NOTCH4: variants seen among roughly 807,000 people sequenced by gnomAD.
The protein encoded by NOTCH4 is notch receptor 4, also known as neurogenic locus notch homolog protein 4.
A neutral mutation model predicts 189.0 loss-of-function variants in NOTCH4; 138 were observed. That is an observed-to-expected ratio of 0.73 (90% CI 0.64 to 0.84). The LOEUF (loss-of-function observed/expected upper bound fraction) is 0.84, where lower values mean the gene tolerates loss of function less well. Ranked by LOEUF, NOTCH4 falls within the 40% of genes least tolerant of loss-of-function variation. NOTCH4 has a pLI of 0.00. For missense variants in NOTCH4, 2,286 were observed against 2,605.4 expected, an observed-to-expected ratio of 0.88 and a Z score of 2.67; for synonymous variants, 942 against 1,032.8, an observed-to-expected ratio of 0.91 and a Z score of 1.69.
At chr6:32,196,809 G>T in intron 28 of NOTCH4, 116 bp downstream of exon 28, 1 of 1,346,978 alleles carries the variant, frequency 7.4e-7, no homozygotes, top group Non-Finnish European at 1.0e-6. Flanking sequence ...CAGATTGACC[G>T]CCGTAACAGC....
chr6:32,210,383 G>A lies in NOTCH4; in HGVS notation c.2865+369C>T, dbSNP rs1360884930. Among the ~76,000 whole-genome samples, 1 of 152,174 alleles carries A rather than the reference G, an allele frequency of 6.6e-6. No individual in the cohort carries two copies. The highest frequency in any genetic ancestry group is 1.5e-5 in the Non-Finnish European group (1 of 68,016). ...AGAATGAGGCGGGCAGCCTCCGAAGGTTCAGCAGGGGAGAGACAGGTCAAC... is the reference window on the plus strand; with the variant it reads ...AGAATGAGGCGGGCAGCCTCCGAAGATTCAGCAGGGGAGAGACAGGTCAAC... On this transcript the variant is annotated intron_variant, in intron 18 of 29. Transcript: ENST00000375023. This position sits in a 1 kb window ranked among gnomAD's most constrained non-coding sequence, Gnocchi z 4.8.
chr6:32,208,669 GGTTGCA>G (rs1788841037), intron 18 of NOTCH4, among the ~76,000 whole-genome samples: 1 of 152,200 alleles, frequency 6.6e-6, no homozygotes, highest in Non-Finnish European at 1.5e-5. Flanking sequence ...GGGAGGCAGA[GGTTGCA>G]GTGAGCTGAG....
At position 32,217,652 on chromosome 6, in the gene NOTCH4, G is replaced by A. The variant is rs987868794; in HGVS notation, c.1624+343C>T. 2.6e-5 allele frequency among the ~76,000 whole-genome samples: 4 copies of A among 152,180 alleles called. No homozygotes were observed. The highest frequency in any genetic ancestry group is 4.8e-5 in the African/African-American group (2 of 41,432). ...AATAGCAGGGGACAGAGGAGTGTCC[G>A]GTGAGGCTGGAGAAGAAAGGCTTGG... On this transcript the variant is annotated intron_variant, in intron 9 of 29. Coordinates refer to ENST00000375023, the MANE Select transcript of NOTCH4 (RefSeq NM_004557.4). This position sits in a 1 kb window ranked among gnomAD's most constrained non-coding sequence, Gnocchi z 4.2.
At chr6:32,220,686 TA>T in intron 5 of NOTCH4, 45 bp from the exon 6 acceptor site, 3 of 1,612,344 alleles carry the variant, frequency 1.9e-6, no homozygotes, top group Non-Finnish European at 2.5e-6. Flanking sequence ...CTGGGAGCCC[TA>T]TGAGTAGGGG....
chr6:32,201,306 C>G lies in NOTCH4; in HGVS notation c.3950G>C (p.Arg1317Pro). The G allele has an allele frequency of 6.2e-7, 1 of 1,612,882 alleles. No homozygotes were observed. The highest frequency in any genetic ancestry group is 8.5e-7 in the Non-Finnish European group (1 of 1,179,924). Reference protein sequence around the residue: ...ALDQQLFALARVLSLTLRVGL... With the variant: ...ALDQQLFALAPVLSLTLRVGL... ...TACCCTCAGAGTCAGGGACAGCACC[C>G]GGGCCAGGGCAAACAGCTGCTGGTC... is the stretch of plus-strand genomic sequence containing the variant. Residue 1317 changes from arginine to proline, a missense_variant, in exon 22 of 30, where the codon CGG becomes CCG. This residue lies in a region of NOTCH4 where 1,903 missense variants were observed against 2,261.9 expected (regional missense o/e 0.84). Transcript: ENST00000375023. This position sits in a 1 kb window ranked among gnomAD's most constrained non-coding sequence, Gnocchi z 5.5.
intron 18 of NOTCH4, among the ~76,000 whole-genome samples, chr6:32,208,729 G>A (rs1788844467): frequency 6.6e-6 from 1 of 152,120 alleles, no homozygotes; most frequent in African/African-American, 2.4e-5. Flanking sequence ...GCAAGACTCT[G>A]TCTCAGAAAA....
chr6:32,199,085 A>G lies in NOTCH4; in HGVS notation c.4376T>C (p.Leu1459Pro). ...GACGAGAAGAGCCCCTAGGGCCAGGAGAATCACCCCGGCCACTGGGGAGCA... is the reference window on the plus strand; with the variant it reads ...GACGAGAAGAGCCCCTAGGGCCAGGGGAATCACCCCGGCCACTGGGGAGCA... ...VLCSPVAGVI[L>P]LALGALLVLQ... Residue 1459 changes from leucine to proline, a missense_variant, in exon 24 of 30, where the codon CTC becomes CCC. This residue lies in a region of NOTCH4 where 1,903 missense variants were observed against 2,261.9 expected (regional missense o/e 0.84). Coordinates refer to ENST00000375023, the MANE Select transcript of NOTCH4 (RefSeq NM_004557.4). The surrounding 1 kb of genome is among the most constrained non-coding windows in gnomAD (Gnocchi z 4.9). 1 of 1,612,600 alleles carries G rather than the reference A, an allele frequency of 6.2e-7. No individual in the cohort carries two copies. The highest frequency in any genetic ancestry group is 1.1e-5 in the South Asian group (1 of 91,074).
rs180689955 is a variant in NOTCH4 at position 32,218,020 on chromosome 6, G to A, written c.1599C>T (p.Asn533=). The A allele has an allele frequency of 3.5e-5, 57 of 1,613,408 alleles. No individual in the cohort carries two copies. The highest frequency in any genetic ancestry group is 1.6e-4 in the Middle Eastern group (1 of 6,082). Residue 533 remains asparagine (N), a synonymous_variant, in exon 9 of 30, where the codon AAC becomes AAT. Transcript: ENST00000375023. ...CAGGCAGGCAGATGCACTGGAAGCC[G>A]TTGAGCAGGTCATGGCAATCCGCGT... ...LNHADCHDLL[N]GFQCICLPGF...
rs1788546217 is a variant in NOTCH4 at position 32,204,353 on chromosome 6, C to T, written c.2902G>A (p.Glu968Lys). The T allele has an allele frequency of 6.2e-7, 1 of 1,612,966 alleles. No individual in the cohort carries two copies. Among genetic ancestry groups the T allele is most frequent in the Non-Finnish European group, 8.5e-7 (1 of 1,180,054 alleles). The stretch of plus-strand genomic sequence containing the variant: ...GGTTGGGACTGACAAGCATCGAGTT[C>T]CTTTGAGCAGTTCTGTCCATCGTAG... ...PGYDGQNCSK[E>K]LDACQSQPCH... Residue 968 changes from glutamate to lysine, a missense_variant, in exon 19 of 30, where the codon GAA becomes AAA. By Grantham distance (56) the Glu-to-Lys change is moderately conservative (BLOSUM62 1). Transcript: ENST00000375023.
At chr6:32,218,339 G>A (rs975954826) in intron 8 of NOTCH4, among the ~76,000 whole-genome samples, 5 of 152,186 alleles carry the variant, frequency 3.3e-5, no homozygotes, top group Admixed American at 1.3e-4. Flanking sequence ...GGGGACCTGC[G>A]GGAGGACTAC....
Position 32,217,441 on chromosome 6 carries a change from G to A in NOTCH4, c.1625-175C>T, listed in dbSNP as rs1789486501. Reference sequence around the variant, plus strand: ...CAGAAAAGGTGAAGCTCAGCCACCTGCCAGCTGTGTGACTTTGGGCAAGCT... The same window carrying A: ...CAGAAAAGGTGAAGCTCAGCCACCTACCAGCTGTGTGACTTTGGGCAAGCT... On this transcript the variant is annotated intron_variant, in intron 9 of 29. Coordinates refer to ENST00000375023, the MANE Select transcript of NOTCH4 (RefSeq NM_004557.4). The surrounding 1 kb of genome is among the most constrained non-coding windows in gnomAD (Gnocchi z 4.2). 6.6e-6 allele frequency among the ~76,000 whole-genome samples: 1 copy of A among 152,186 alleles called. No homozygotes were observed. Among genetic ancestry groups the A allele is most frequent in the Non-Finnish European group, 1.5e-5 (1 of 68,026 alleles).
intron 8 of NOTCH4, among the ~76,000 whole-genome samples, chr6:32,218,314 A>G (rs150928029): frequency 1.7e-4 from 26 of 152,246 alleles, no homozygotes; most frequent in African/African-American, 5.8e-4. Context: ...AAGGCCAGGG[A>G]ACAGGGTGCT....
At chr6:32,209,543 C>A (rs1788884842) in intron 18 of NOTCH4, among the ~76,000 whole-genome samples, 1 of 152,082 alleles carries the variant, frequency 6.6e-6, no homozygotes, top group Admixed American at 6.6e-5. Flanking sequence ...TGATAGATAT[C>A]CCAATTACCC....
At position 32,221,440 on chromosome 6, in the gene NOTCH4, C is replaced by G; in HGVS notation, c.452-115G>C. ...GGGTCTCATTTTCATATTTCCTTCC[C>G]TTTATTACCATACTTTCTTTGCTCT... On this transcript the variant is annotated intron_variant, in intron 3 of 29. Coordinates refer to ENST00000375023, the MANE Select transcript of NOTCH4 (RefSeq NM_004557.4). This position sits in a 1 kb window ranked among gnomAD's most constrained non-coding sequence, Gnocchi z 4.3. The G allele has an allele frequency of 1.4e-6, 1 of 732,576 alleles. No individual in the cohort carries two copies. Among genetic ancestry groups the G allele is most frequent in the Non-Finnish European group, 2.2e-6 (1 of 448,124 alleles). The allele number at this position is 732,576 out of a possible 1,614,324, so 45.4% of individuals were successfully genotyped here.
chr6:32,219,017 G>A (rs994438597), intron 8 of NOTCH4, among the ~76,000 whole-genome samples: 1 of 152,156 alleles, frequency 6.6e-6, no homozygotes, highest in Non-Finnish European at 1.5e-5. Context: ...TAAAGTTGGC[G>A]ATTATTTTTC....
In NOTCH4 at chr6:32,224,047, C is replaced by T; in HGVS notation, c.-119G>A. 9.5e-7 allele frequency: 1 copy of T among 1,056,520 alleles called. No individual in the cohort carries two copies. The highest frequency in any genetic ancestry group is 2.7e-5 in the East Asian group (1 of 36,450). 65.4% of individuals were successfully genotyped at this position (1,056,520 alleles called of 1,614,324 possible). On this transcript the variant is annotated 5_prime_UTR_variant, in exon 1 of 30. Coordinates refer to ENST00000375023, the MANE Select transcript of NOTCH4 (RefSeq NM_004557.4). Reference sequence around the variant, plus strand: ...CACTGCCCCTCTTCTTCCTCCTCGGCCTGCTGCAAGCCTCACGTCTGAGCT... The same window carrying T: ...CACTGCCCCTCTTCTTCCTCCTCGGTCTGCTGCAAGCCTCACGTCTGAGCT...
In NOTCH4 at chr6:32,217,243, C is replaced by T. The variant is rs1438542721; in HGVS notation, c.1648G>A (p.Glu550Lys). 1 of 1,612,846 alleles carries T rather than the reference C, an allele frequency of 6.2e-7. No homozygotes were observed. The highest frequency in any genetic ancestry group is 8.5e-7 in the Non-Finnish European group (1 of 1,179,942). Residue 550 changes from glutamate to lysine, a missense_variant, in exon 10 of 30, where the codon GAG becomes AAG. Around this residue, in one of 2 missense-constraint regions of NOTCH4, gnomAD observed 1,903 missense variants for 2,261.9 expected, o/e 0.84. Transcript: ENST00000375023. The surrounding 1 kb of genome is among the most constrained non-coding windows in gnomAD (Gnocchi z 4.2). ...GAGCTTCTGCACTCATCGATATCCTCCTCACATCGGGTGCCGGAGAATCCT... is the reference window on the plus strand; with the variant it reads ...GAGCTTCTGCACTCATCGATATCCTTCTCACATCGGGTGCCGGAGAATCCT... ...LPGFSGTRCEEDIDECRSSPC... is the reference protein window; with the variant it reads ...LPGFSGTRCEKDIDECRSSPC...
rs757648516 is a variant in NOTCH4, at chr6:32,223,029, A to G, written c.131T>C (p.Leu44Pro). The G allele has an allele frequency of 8.1e-6, 13 of 1,613,258 alleles. No individual in the cohort carries two copies. In the East Asian group the frequency reaches 2.7e-4, roughly 33 times the overall value. ...CTGGCAGGTCCCTTGTCCCAGAGAC[A>G]GGCTCAGGCAGGTGCCTCCATTGGC... ...PCANGGTCLS[L>P]SLGQGTCQCA... The change falls in exon 2 of 30, where the codon CTG becomes CCG. Residue 44 changes from leucine (L) to proline (P), a missense_variant. Leu to Pro is a moderately conservative substitution (Grantham distance 98). Around this residue, in one of 2 missense-constraint regions of NOTCH4, gnomAD observed 1,903 missense variants for 2,261.9 expected, o/e 0.84. Coordinates refer to ENST00000375023, the MANE Select transcript of NOTCH4 (RefSeq NM_004557.4).
rs1182435065 is a variant in NOTCH4, at chr6:32,200,304, A to G, written c.4315+527T>C. On this transcript the variant is annotated intron_variant, in intron 23 of 29. Coordinates refer to ENST00000375023, the MANE Select transcript of NOTCH4 (RefSeq NM_004557.4). The surrounding 1 kb of genome is among the most constrained non-coding windows in gnomAD (Gnocchi z 5.0). ...CGGCTCACTGCAAGCTCCACCTCCC[A>G]GGTTCACGCCATTCTCCTGCCTCAG... is the stretch of plus-strand genomic sequence containing the variant. Among the ~76,000 whole-genome samples, 1 of 150,402 alleles carries G rather than the reference A, an allele frequency of 6.6e-6. No individual in the cohort carries two copies. The highest frequency in any genetic ancestry group is 1.5e-5 in the Non-Finnish European group (1 of 67,714).
Sources: gnomAD v4.1 joint callset for allele counts (sites outside exome capture counted in the v4.1 genomes callset) on GRCh38, gnomAD v4.1.1 for gene constraint, gnomAD v4.1.1 regional missense constraint, Gnocchi (gnomAD v3.1) non-coding constraint, MANE v1.5 for transcripts, NCBI Gene and HGNC (gene_info 2026-07-23, HGNC 2026-07-21) for gene names.